WDR35: variants seen among roughly 807,000 people sequenced by gnomAD.
WDR35 encodes the protein WD repeat-containing protein 35.
Under a neutral mutation model 158.3 loss-of-function variants are expected in WDR35, and 118 were observed. The ratio of observed to expected loss-of-function variants is 0.75; its 90% confidence interval spans 0.64 to 0.87. WDR35 has a LOEUF of 0.87. Among genes scored for constraint, WDR35 ranks in the 40% least tolerant of loss-of-function variants. WDR35 has a pLI of 0.00. For synonymous variants in WDR35, 448 were observed against 476.1 expected, an observed-to-expected ratio of 0.94 and a Z score of 0.77; for missense variants, 1,263 against 1,405.8, an observed-to-expected ratio of 0.90 and a Z score of 1.62.
At chr2:19,973,470 TAA>T (rs1672090758) in intron 8 of WDR35, 91 bp downstream of exon 8, 10 of 1,503,032 alleles carry the variant, frequency 6.7e-6, no homozygotes, top group South Asian at 2.4e-5. Flanking sequence ...GAAAATGTGA[TAA>T]GTTTACACCG....
rs770031513 is a variant in WDR35, at chr2:19,931,345, G to A, written c.2888C>T (p.Ser963Leu). ...PLRVKKLYVL[S>L]ALLIEQYHEQ... ...ATGGTATTGCTCTATAAGTAAGGCT[G>A]ACAGTACATAGAGCTTCTTGACACG... Residue 963 changes from serine (S) to leucine (L), a missense_variant, in exon 24 of 27, where the codon TCA becomes TTA. Physicochemically the swap from Ser to Leu is moderately radical, Grantham distance 145 (BLOSUM62 -2). Transcript: ENST00000281405. 1 of 1,613,334 alleles carries A rather than the reference G, an allele frequency of 6.2e-7. No homozygotes were observed. The highest frequency in any genetic ancestry group is 8.5e-7 in the Non-Finnish European group (1 of 1,179,678).
Position 19,911,304 on chromosome 2 carries a change from G to C in WDR35, c.*2254C>G, listed in dbSNP as rs1307665253. 3 of 152,272 alleles carry C rather than the reference G, an allele frequency of 2.0e-5. No individual in the cohort carries two copies. The highest frequency in any genetic ancestry group is 1.9e-4 in the East Asian group (1 of 5,198). The allele number at this position is 152,272 out of a possible 1,614,324, so 9.4% of individuals were successfully genotyped here. The stretch of plus-strand genomic sequence containing the variant: ...CTCAGCTGATTCCTGAGACAGGAAA[G>C]GGAAAGAAGAGATACTCAAGCATTA... On this transcript the variant is annotated 3_prime_UTR_variant, in exon 27 of 27. Coordinates refer to ENST00000281405, the MANE Select transcript of WDR35 (RefSeq NM_020779.4).
chr2:19,957,075 A>G (rs1671468696), intron 11 of WDR35, among the ~76,000 whole-genome samples: 1 of 152,198 alleles, frequency 6.6e-6, no homozygotes, highest in East Asian at 1.9e-4. Flanking sequence ...GAATTTGCCC[A>G]TATCACACAG....
intron 16 of WDR35, 110 bp downstream of exon 16, chr2:19,945,676 T>C: frequency 8.6e-7 from 1 of 1,165,864 alleles, no homozygotes; most frequent in Non-Finnish European, 1.3e-6. Context: ...CATGCAGCCG[T>C]GTTGGCACTG....
intron 4 of WDR35, among the ~76,000 whole-genome samples, chr2:19,980,127 T>A (rs539583542): frequency 3.3e-5 from 5 of 152,334 alleles, no homozygotes; most frequent in African/African-American, 9.6e-5. Context: ...AGGAAGTGAA[T>A]TATTCCCTTT....
At chr2:19,925,247 G>A (rs1050629837) in intron 25 of WDR35, among the ~76,000 whole-genome samples, 7 of 152,216 alleles carry the variant, frequency 4.6e-5, no homozygotes, top group African/African-American at 1.4e-4. Context: ...CAGGAGTCAT[G>A]GATTCAGAAT....
intron 25 of WDR35, among the ~76,000 whole-genome samples, chr2:19,928,605 A>G (rs539826239): frequency 6.6e-6 from 1 of 152,338 alleles, no homozygotes; most frequent in East Asian, 1.9e-4. Flanking sequence ...AATATTTAAC[A>G]AACTTGAAGG....
intron 23 of WDR35, 22 bp downstream of exon 23, chr2:19,932,261 T>C (rs752282828): frequency 4.3e-6 from 7 of 1,612,628 alleles, no homozygotes; most frequent in Non-Finnish European, 5.1e-6. Flanking sequence ...AAATCAACTA[T>C]TCACCAAGAT....
rs1669794677 is a variant in WDR35 at position 19,910,348 on chromosome 2, A to C, written c.*3210T>G. ...GATCTCAGCTCTTGGAATACAGAAA[A>C]ATAGTTTCAAAGTGTATTTTAGCAA... On this transcript the variant is annotated 3_prime_UTR_variant, in exon 27 of 27. Coordinates refer to ENST00000281405, the MANE Select transcript of WDR35 (RefSeq NM_020779.4). 3 of 152,256 alleles carry C rather than the reference A, an allele frequency of 2.0e-5. No individual in the cohort carries two copies. The South Asian group carries it at 6.2e-4, about 32-fold the overall frequency. The allele number at this position is 152,256 out of a possible 1,614,324, so 9.4% of individuals were successfully genotyped here.
chr2:19,920,594 C>T (rs993456562), intron 25 of WDR35, among the ~76,000 whole-genome samples: 1 of 152,132 alleles, frequency 6.6e-6, no homozygotes, highest in Admixed American at 6.5e-5. Flanking sequence ...ATAATAACAG[C>T]CATTTATGAC....
chr2:19,947,595 C>G (rs1360114012), intron 14 of WDR35, among the ~76,000 whole-genome samples: 1 of 152,164 alleles, frequency 6.6e-6, no homozygotes, highest in Non-Finnish European at 1.5e-5. Context: ...CCATAGGCTT[C>G]TCTATTTTAC....
chr2:19,943,366 C>A (rs1012758787), intron 16 of WDR35, among the ~76,000 whole-genome samples: 2 of 152,022 alleles, frequency 1.3e-5, no homozygotes, highest in African/African-American at 4.8e-5. Flanking sequence ...ACTAAGTTAA[C>A]AAAACCTTGC....
Position 19,960,619 on chromosome 2 carries a change from G to A in WDR35, c.1195-5C>T, listed in dbSNP as rs777603138. On this transcript the variant is annotated splice_region_variant and splice_polypyrimidine_tract_variant and intron_variant, in intron 10 of 26. Coordinates refer to ENST00000281405, the MANE Select transcript of WDR35 (RefSeq NM_020779.4). ...ATTACAAAGAACTAGTACAAACTGT[G>A]AACAAATAAAACAAAAAGTATCAGA... The A allele has an allele frequency of 2.5e-6, 4 of 1,604,536 alleles. No individual in the cohort carries two copies. Among genetic ancestry groups the A allele is most frequent in the Non-Finnish European group, 3.4e-6 (4 of 1,172,976 alleles).
chr2:19,988,323 G>A (rs1672635423), intron 2 of WDR35, among the ~76,000 whole-genome samples: 1 of 152,124 alleles, frequency 6.6e-6, no homozygotes. Flanking sequence ...TTCAAAGTGC[G>A]GTCTGAGGAC....
intron 10 of WDR35, chr2:19,962,177 C>A: frequency 1.9e-6 from 2 of 1,048,956 alleles, no homozygotes; most frequent in Non-Finnish European, 2.8e-6. Flanking sequence ...CTGTTAATTC[C>A]ATTTTTCCAT....
At chr2:19,961,769 G>A (rs1459569438) in intron 10 of WDR35, among the ~76,000 whole-genome samples, 1 of 152,170 alleles carries the variant, frequency 6.6e-6, no homozygotes, top group African/African-American at 2.4e-5. Flanking sequence ...CACTTACTAT[G>A]AGAATGTCTT....
At position 19,973,516 on chromosome 2, in the gene WDR35, C is replaced by T. The variant is rs752518123; in HGVS notation, c.882+47G>A. 2.5e-6 allele frequency: 4 copies of T among 1,613,504 alleles called. No homozygotes were observed. The South Asian group carries it at 3.3e-5, about 13-fold the overall frequency. Reference sequence around the variant, plus strand: ...GTTATTTTTTCCTCTACCTTACTCACTGCACATTTAAATAGAAAGAAAGAA... The same window carrying T: ...GTTATTTTTTCCTCTACCTTACTCATTGCACATTTAAATAGAAAGAAAGAA... On this transcript the variant is annotated intron_variant, in intron 8 of 26. Coordinates refer to ENST00000281405, the MANE Select transcript of WDR35 (RefSeq NM_020779.4).
intron 16 of WDR35, among the ~76,000 whole-genome samples, chr2:19,943,184 G>A (rs963672468): frequency 6.6e-6 from 1 of 152,026 alleles, no homozygotes; most frequent in Admixed American, 6.6e-5. Flanking sequence ...AATAATGCAA[G>A]CACAAGCAAA....
intron 12 of WDR35, among the ~76,000 whole-genome samples, 182 bp downstream of exon 12, chr2:19,953,652 T>G (rs144910664): frequency 2.8e-3 from 427 of 152,308 alleles, no homozygotes; most frequent in African/African-American, 9.3e-3. Context: ...ATTAAACCAT[T>G]CTACTTCTCT....
Sources: gnomAD v4.1 joint callset for allele counts (sites outside exome capture counted in the v4.1 genomes callset) on GRCh38, gnomAD v4.1.1 for gene constraint, MANE v1.5 for transcripts, NCBI Gene and HGNC (gene_info 2026-07-23, HGNC 2026-07-21) for gene names.